Variants in PPL observed in about 807,000 individuals in gnomAD.
The protein encoded by PPL is periplakin.
PPL carries 198 observed loss-of-function variants against 194.4 expected under a neutral mutation model. That is an observed-to-expected ratio of 1.02 (90% CI 0.91 to 1.15). The LOEUF is 1.15. Among genes scored for constraint, PPL ranks in the 50% most tolerant of loss-of-function variants. The pLI, the probability that PPL is intolerant of heterozygous loss-of-function variation, is 0.00. For synonymous variants in PPL, 1,220 were observed against 972.4 expected (o/e 1.25, Z -4.74); for missense variants, 2,885 against 2,294.8 (o/e 1.26, Z -5.25).
At chr16:4,886,838 C>T (rs1482211716) in intron 21 of PPL, among the ~76,000 whole-genome samples, 5 of 152,198 alleles carry the variant, frequency 3.3e-5, no homozygotes, top group Non-Finnish European at 7.3e-5. Flanking sequence ...AGGCTGGTCT[C>T]GAACTCCTGA....
chr16:4,883,336 T>G lies in PPL; in HGVS notation c.*48A>C. On this transcript the variant is annotated 3_prime_UTR_variant, in exon 22 of 22. Coordinates refer to ENST00000345988, the MANE Select transcript of PPL (RefSeq NM_002705.5). The surrounding 1 kb of genome is among the most constrained non-coding windows in gnomAD (Gnocchi z 4.8). ...CGACACCAAGGAGGTCACTGCGTCGTAGGAGAGGGCCAGCGTCTGCCGTTA... is the reference window on the plus strand; with the variant it reads ...CGACACCAAGGAGGTCACTGCGTCGGAGGAGAGGGCCAGCGTCTGCCGTTA... The G allele has an allele frequency of 6.2e-7, 1 of 1,608,542 alleles. No homozygotes were observed. The highest frequency in any genetic ancestry group is 8.5e-7 in the Non-Finnish European group (1 of 1,179,448).
At chr16:4,909,954 C>A (rs186036834) in intron 2 of PPL, among the ~76,000 whole-genome samples, 1 of 152,170 alleles carries the variant, frequency 6.6e-6, no homozygotes, top group Non-Finnish European at 1.5e-5. Context: ...ACCTGCAGGC[C>A]GATGCTGGCA....
chr16:4,890,094 C>G, intron 18 of PPL, 90 bp downstream of exon 18: 1 of 1,595,630 alleles, frequency 6.3e-7, no homozygotes, highest in East Asian at 2.2e-5. Flanking sequence ...GCTCCACCTC[C>G]CAAAGGCTTG....
chr16:4,897,723 C>T lies in PPL; in HGVS notation c.924G>A (p.Leu308=), dbSNP rs1354543384. Reference sequence around the variant, plus strand: ...TGAGGTGGCTCTCCTCGCAGATGAGCAGGTTCAGGTACTCCTTCCAGTCTG... The same window carrying T: ...TGAGGTGGCTCTCCTCGCAGATGAGTAGGTTCAGGTACTCCTTCCAGTCTG... ...VHADWKEYLN[L]LICEESHLKY... is the part of the protein sequence containing the mutation. The change falls in exon 9 of 22, where the codon CTG becomes CTA. Residue 308 remains leucine, a synonymous_variant. Coordinates refer to ENST00000345988, the MANE Select transcript of PPL (RefSeq NM_002705.5). 1 of 1,613,938 alleles carries T rather than the reference C, an allele frequency of 6.2e-7. No individual in the cohort carries two copies. Among genetic ancestry groups the T allele is most frequent in the Non-Finnish European group, 8.5e-7 (1 of 1,180,012 alleles).
At chr16:4,936,577 G>A (rs1255760661) in intron 1 of PPL, among the ~76,000 whole-genome samples, 1 of 152,174 alleles carries the variant, frequency 6.6e-6, no homozygotes, top group Non-Finnish European at 1.5e-5. Context: ...CAGCGACCCC[G>A]CCTTGAGTGC....
intron 2 of PPL, 84 bp from the exon 3 acceptor site, chr16:4,904,124 C>A: frequency 7.2e-7 from 1 of 1,396,604 alleles, no homozygotes; most frequent in Non-Finnish European, 9.8e-7. Flanking sequence ...GGAAAGGGGT[C>A]AGCAGGGTGC....
chr16:4,895,034 T>C (rs889031716), intron 11 of PPL, among the ~76,000 whole-genome samples: 1 of 152,088 alleles, frequency 6.6e-6, no homozygotes, highest in African/African-American at 2.4e-5. Flanking sequence ...CTGGGACTTC[T>C]GAGGAGGGAC....
intron 1 of PPL, among the ~76,000 whole-genome samples, chr16:4,923,008 C>T (rs1216218505): frequency 3.9e-5 from 6 of 152,148 alleles, no homozygotes; most frequent in Non-Finnish European, 8.8e-5. Context: ...AACGCACAGC[C>T]CGCTTCAGCT....
rs192660469 is a variant in PPL, at chr16:4,925,424, G to A, written c.62+11560C>T. 2.8e-3 allele frequency among the ~76,000 whole-genome samples: 422 copies of A among 152,260 alleles called. 3 individuals carry two copies. The highest frequency in any genetic ancestry group is 0.02 in the Middle Eastern group (6 of 294). ...GGCACCTACTGGGTGCCCAGCGACCGCTCAGTCCTTTTGTGCATCACCCAT... is the reference window on the plus strand; with the variant it reads ...GGCACCTACTGGGTGCCCAGCGACCACTCAGTCCTTTTGTGCATCACCCAT... On this transcript the variant is annotated intron_variant, in intron 1 of 21. Coordinates refer to ENST00000345988, the MANE Select transcript of PPL (RefSeq NM_002705.5).
At chr16:4,909,531 A>T (rs969859187) in intron 2 of PPL, among the ~76,000 whole-genome samples, 2 of 148,564 alleles carry the variant, frequency 1.3e-5, no homozygotes, top group Non-Finnish European at 3.0e-5. Context: ...GGTTCAAGCG[A>T]TTCTCCTGCC....
Position 4,883,798 on chromosome 16 carries a change from C to T in PPL, c.4857G>A (p.Leu1619=). ...CCTTGGAGAGCCTCTTGAGGTCATC[C>T]AGTTCCCTCTCCAGGGACCACAGTC... is the stretch of plus-strand genomic sequence containing the variant. ...DSRLWSLERE[L]DDLKRLSKDK... is the part of the protein sequence containing the mutation. The change falls in exon 22 of 22, where the codon CTG becomes CTA. Residue 1619 remains leucine (L), a synonymous_variant. Coordinates refer to ENST00000345988, the MANE Select transcript of PPL (RefSeq NM_002705.5). This position sits in a 1 kb window ranked among gnomAD's most constrained non-coding sequence, Gnocchi z 4.8. 5.0e-6 allele frequency: 8 copies of T among 1,614,166 alleles called. No individual in the cohort carries two copies. The highest frequency in any genetic ancestry group is 1.7e-5 in the Admixed American group (1 of 60,028).
At chr16:4,936,836 CG>C (rs1276128736) in intron 1 of PPL, 147 bp downstream of exon 1, 1 of 748,932 alleles carries the variant, frequency 1.3e-6, no homozygotes, top group African/African-American at 1.9e-5. Context: ...CTCGGTCCCG[CG>C]TTCCCGAGAG....
At chr16:4,925,563 C>T (rs2142418135) in intron 1 of PPL, among the ~76,000 whole-genome samples, 1 of 152,226 alleles carries the variant, frequency 6.6e-6, no homozygotes, top group South Asian at 2.1e-4. Context: ...TTTTTGGGGG[C>T]CCTTCTATAA....
At chr16:4,927,359 T>C (rs939135709) in intron 1 of PPL, among the ~76,000 whole-genome samples, 2 of 152,242 alleles carry the variant, frequency 1.3e-5, no homozygotes, top group African/African-American at 4.8e-5. Flanking sequence ...TCCCAACAGC[T>C]GCACATCAAA....
In PPL at chr16:4,883,423, G is replaced by A. The variant is rs140517030; in HGVS notation, c.5232C>T (p.Ser1744=). 2.0e-5 allele frequency: 32 copies of A among 1,614,168 alleles called. No homozygotes were observed. The African/African-American group carries it at 3.6e-4, about 18-fold the overall frequency. ...QYDRYVNKDM[S]IQELAVLVSG... is the part of the protein sequence containing the mutation. Reference sequence around the variant, plus strand: ...ATACCAAGACCGCCAGCTCCTGGATGGACATATCCTTGTTGACATAGCGGT... The same window carrying A: ...ATACCAAGACCGCCAGCTCCTGGATAGACATATCCTTGTTGACATAGCGGT... Residue 1744 remains serine (S), a synonymous_variant, in exon 22 of 22, where the codon TCC becomes TCT. Coordinates refer to ENST00000345988, the MANE Select transcript of PPL (RefSeq NM_002705.5). This position sits in a 1 kb window ranked among gnomAD's most constrained non-coding sequence, Gnocchi z 4.8.
intron 1 of PPL, among the ~76,000 whole-genome samples, chr16:4,933,000 G>C (rs1240859670): frequency 2.2e-5 from 3 of 137,786 alleles, no homozygotes; most frequent in Non-Finnish European, 3.1e-5. Context: ...CTGTGTTCTT[G>C]CTTTTTTTTT....
intron 1 of PPL, among the ~76,000 whole-genome samples, chr16:4,922,878 G>A (rs948957850): frequency 6.6e-6 from 1 of 152,106 alleles, no homozygotes; most frequent in Non-Finnish European, 1.5e-5. Context: ...TCAGAATTTG[G>A]AACCATCTCC....
intron 1 of PPL, among the ~76,000 whole-genome samples, chr16:4,916,634 A>T (rs1335392037): frequency 6.6e-6 from 1 of 151,686 alleles, no homozygotes. Context: ...GCCTCCGAGT[A>T]ACTGCGACTA....
At position 4,918,154 on chromosome 16, in the gene PPL, A is replaced by T. The variant is rs377755478; in HGVS notation, c.63-7205T>A. 1.5e-3 allele frequency among the ~76,000 whole-genome samples: 226 copies of T among 152,082 alleles called. 3 individuals carry two copies. Among genetic ancestry groups the T allele is most frequent in the African/African-American group, 5.2e-3 (216 of 41,498 alleles). On this transcript the variant is annotated intron_variant, in intron 1 of 21. Coordinates refer to ENST00000345988, the MANE Select transcript of PPL (RefSeq NM_002705.5). The stretch of plus-strand genomic sequence containing the variant: ...CTAAAAACACAAAAATTAGCCAGGC[A>T]TGATGGCAGGTACCTGTAATCCCAG...
Sources: gnomAD v4.1 joint callset for allele counts (sites outside exome capture counted in the v4.1 genomes callset) on GRCh38, gnomAD v4.1.1 for gene constraint, Gnocchi (gnomAD v3.1) non-coding constraint, MANE v1.5 for transcripts, NCBI Gene and HGNC (gene_info 2026-07-23, HGNC 2026-07-21) for gene names.